ACOT12: variants seen among roughly 807,000 people sequenced by gnomAD.
The protein encoded by ACOT12 is acetyl-coenzyme A thioesterase.
ACOT12 carries 51 observed loss-of-function variants against 67.7 expected under a neutral mutation model. That is an observed-to-expected ratio of 0.75 (90% CI 0.60 to 0.95). The LOEUF (loss-of-function observed/expected upper bound fraction) is 0.95, where lower values mean the gene tolerates loss of function less well. Among genes scored for constraint, ACOT12 ranks in the 40% least tolerant of loss-of-function variants. The pLI is 0.00. For missense variants in ACOT12, 734 were observed against 708.1 expected (o/e 1.04, Z -0.41); for synonymous variants, 251 against 244.6 (o/e 1.03, Z -0.24).
chr5:81,331,309 A>G (rs776831725), intron 13 of ACOT12, among the ~76,000 whole-genome samples: 8 of 152,308 alleles, frequency 5.3e-5, no homozygotes, highest in Admixed American at 1.3e-4. Flanking sequence ...AGGCTGAGGC[A>G]GGCAGATCAC....
intron 4 of ACOT12, among the ~76,000 whole-genome samples, chr5:81,361,534 G>A (rs570019575): frequency 6.6e-6 from 1 of 152,198 alleles, no homozygotes; most frequent in East Asian, 1.9e-4. Flanking sequence ...TGTTTTAGTT[G>A]TGTGACTAGC....
At chr5:81,388,125 AATGC>A (rs1301558237) in intron 1 of ACOT12, among the ~76,000 whole-genome samples, 1 of 152,158 alleles carries the variant, frequency 6.6e-6, no homozygotes, top group Non-Finnish European at 1.5e-5. Context: ...AGAAAGATTA[AATGC>A]ATTGTTCTAA....
chr5:81,344,164 C>G lies in ACOT12; in HGVS notation c.976G>C (p.Gly326Arg). 6.2e-7 allele frequency: 1 copy of G among 1,613,768 alleles called. No homozygotes were observed. The highest frequency in any genetic ancestry group is 8.5e-7 in the Non-Finnish European group (1 of 1,179,858). Residue 326 changes from glycine to arginine, a missense_variant, in exon 9 of 15, where the codon GGC becomes CGC. Coordinates refer to ENST00000307624, the MANE Select transcript of ACOT12 (RefSeq NM_130767.3). ...GAIARKRIRL[G>R]RKYVISHKEE... ...ATTACACCTTATGTTCCTTACCTGC[C>G]TAGGCGAATTCGCTTGCGTGCAATA...
chr5:81,342,894 A>T, intron 10 of ACOT12, 139 bp from the exon 11 acceptor site: 1 of 881,124 alleles, frequency 1.1e-6, no homozygotes, highest in Non-Finnish European at 1.8e-6. Context: ...TTAGAACTAA[A>T]CTACAGGCCA....
In ACOT12 at chr5:81,363,871, C is replaced by A. The variant is rs1308252019; in HGVS notation, c.277G>T (p.Val93Leu). The A allele has an allele frequency of 2.5e-6, 4 of 1,607,792 alleles. No homozygotes were observed. In the South Asian group the frequency reaches 3.3e-5, roughly 13 times the overall value. ...TCAATGCCAGTGAGCATATCCTGTA[C>A]CATGACCTTGATACTGATCTAAAAT... is the stretch of plus-strand genomic sequence containing the variant. ...TSMEISIKVM[V>L]QDMLTGIEKL... The change falls in exon 4 of 15, where the codon GTA becomes TTA. Residue 93 changes from valine to leucine, a missense_variant. Transcript: ENST00000307624.
At chr5:81,391,806 G>A (rs1760871794) in intron 1 of ACOT12, among the ~76,000 whole-genome samples, 1 of 152,170 alleles carries the variant, frequency 6.6e-6, no homozygotes, top group African/African-American at 2.4e-5. Flanking sequence ...CCTTTAGGGG[G>A]TAACACTGAT....
the ACOT12 span, among the ~76,000 whole-genome samples, chr5:81,320,400 GC>G: frequency 3.3e-5 from 5 of 152,296 alleles, no homozygotes; most frequent in East Asian, 1.9e-4. Flanking sequence ...ACATAAGCTT[GC>G]CCTAAAGAAG....
In ACOT12 at chr5:81,345,976, T is replaced by C. The variant is rs763252426; in HGVS notation, c.682A>G (p.Lys228Glu). 6.2e-7 allele frequency: 1 copy of C among 1,613,782 alleles called. No homozygotes were observed. The change falls in exon 7 of 15, where the codon AAG becomes GAG. Residue 228 changes from lysine (K) to glutamate (E), a missense_variant. Physicochemically the swap from Lys to Glu is moderately conservative, Grantham distance 56 (BLOSUM62 1). Coordinates refer to ENST00000307624, the MANE Select transcript of ACOT12 (RefSeq NM_130767.3). ...SRLCWAHPFL[K>E]SVDMFKFRGP... ...CGGAACTTAAACATATCTACGGACT[T>C]CAGAAAGGGATGAGCCCAACACAGG...
intron 3 of ACOT12, among the ~76,000 whole-genome samples, 190 bp from the exon 4 acceptor site, chr5:81,364,079 T>C (rs1396920578): frequency 1.3e-5 from 2 of 152,124 alleles, no homozygotes; most frequent in Admixed American, 6.5e-5. Context: ...TTTTTCTGAT[T>C]ATAAAAATTA....
At chr5:81,316,097 A>G in the ACOT12 span, among the ~76,000 whole-genome samples, 1 of 152,038 alleles carries the variant, frequency 6.6e-6, no homozygotes, top group Non-Finnish European at 1.5e-5. Context: ...GGGCAGTATC[A>G]CACTGGAAAA....
chr5:81,355,608 A>T (rs1039283616), intron 5 of ACOT12, among the ~76,000 whole-genome samples: 1 of 152,234 alleles, frequency 6.6e-6, no homozygotes, highest in Non-Finnish European at 1.5e-5. Context: ...TGGATAAGAA[A>T]ATAAAAAGAG....
chr5:81,374,244 G>A (rs564476467), intron 2 of ACOT12, among the ~76,000 whole-genome samples: 2 of 152,286 alleles, frequency 1.3e-5, no homozygotes, highest in Admixed American at 6.5e-5. Flanking sequence ...TGCAGCAGAT[G>A]GGCCTGACTG....
At chr5:81,338,273 A>G (rs1312005795) in intron 11 of ACOT12, among the ~76,000 whole-genome samples, 1 of 152,200 alleles carries the variant, frequency 6.6e-6, no homozygotes, top group East Asian at 1.9e-4. Flanking sequence ...TGGATTTGTG[A>G]TTTCAACCAA....
chr5:81,318,913 T>C, the ACOT12 span, among the ~76,000 whole-genome samples: 2 of 152,196 alleles, frequency 1.3e-5, no homozygotes, highest in African/African-American at 4.8e-5. Context: ...GATAGTTTTC[T>C]GGGGATGTTT....
intron 1 of ACOT12, among the ~76,000 whole-genome samples, chr5:81,387,532 C>CTTT (rs71000823): frequency 7.9e-6 from 1 of 127,266 alleles, no homozygotes; most frequent in Non-Finnish European, 1.6e-5. Context: ...TCTTGAGTAT[C>CTTT]TTTTTTTTTT....
chr5:81,361,077 C>CAAAAAAAAAAAAAAAAAAAA (rs71000820), intron 4 of ACOT12, among the ~76,000 whole-genome samples: 5 of 52,632 alleles, frequency 9.5e-5, no homozygotes, highest in Non-Finnish European at 1.0e-4. Flanking sequence ...GACTCCATCT[C>CAAAAAAAAAAAAAAAAAAAA]AAAAAAAAAA....
At chr5:81,330,791 T>C (rs1352517907) in intron 14 of ACOT12, 23 bp downstream of exon 14, 1 of 1,607,608 alleles carries the variant, frequency 6.2e-7, no homozygotes, top group Admixed American at 1.7e-5. Context: ...CCAATTAATC[T>C]GCAGATGTTT....
intron 12 of ACOT12, among the ~76,000 whole-genome samples, chr5:81,335,553 TG>T (rs1163288586): frequency 1.3e-5 from 2 of 152,024 alleles, no homozygotes; most frequent in Non-Finnish European, 2.9e-5. Flanking sequence ...TTTATAGAGA[TG>T]GGCTTTCACC....
intron 2 of ACOT12, among the ~76,000 whole-genome samples, chr5:81,374,713 GAATC>G (rs1291841010): frequency 2.0e-5 from 3 of 152,074 alleles, no homozygotes; most frequent in Non-Finnish European, 4.4e-5. Context: ...ATCAATAGCT[GAATC>G]AATCAGGCAG....
Sources: allele counts gnomAD v4.1 joint callset (sites outside exome capture counted in the v4.1 genomes callset), GRCh38; gene constraint gnomAD v4.1.1; transcripts MANE v1.5; gene names NCBI Gene and HGNC (gene_info 2026-07-23, HGNC 2026-07-21).